The following FKBP5 variants were observed in gnomAD, a reference collection of about 807,000 sequenced individuals.
FKBP5 encodes the protein FKBP prolyl isomerase 5, also known as peptidyl-prolyl cis-trans isomerase FKBP5.
In FKBP5, 23 loss-of-function variants were observed where a neutral mutation model predicts 50.5. The observed-to-expected ratio is 0.46, with a 90% CI of 0.33 to 0.65. FKBP5 has a LOEUF of 0.65. FKBP5 is among the 30% of genes least tolerant of loss of function. FKBP5 has a pLI of 0.02. For missense variants in FKBP5, 411 were observed against 553.1 expected (o/e 0.74, Z 2.58); for synonymous variants, 176 against 190.6 (o/e 0.92, Z 0.63).
chr6:35,663,042 G>A (rs1440752900), intron 1 of FKBP5, among the ~76,000 whole-genome samples: 1 of 152,192 alleles, frequency 6.6e-6, no homozygotes, highest in Non-Finnish European at 1.5e-5. Flanking sequence ...ACCGGCAAGG[G>A]TGTGGCAAGA....
At chr6:35,654,175 T>C (rs1764887569) in intron 1 of FKBP5, among the ~76,000 whole-genome samples, 1 of 152,222 alleles carries the variant, frequency 6.6e-6, no homozygotes, top group Non-Finnish European at 1.5e-5. Flanking sequence ...CACAGTTCCT[T>C]ATTGTTTATA....
chr6:35,673,035 G>A (rs1363938023), intron 1 of FKBP5, among the ~76,000 whole-genome samples: 1 of 152,132 alleles, frequency 6.6e-6, no homozygotes, highest in African/African-American at 2.4e-5. Flanking sequence ...AGGAAGTGAT[G>A]TGATAGTGAA....
chr6:35,591,326 G>T, intron 6 of FKBP5, 106 bp from the exon 7 acceptor site: 1 of 706,490 alleles, frequency 1.4e-6, no homozygotes, highest in Non-Finnish European at 2.4e-6. Context: ...CAAGCTACAT[G>T]TGTCAGAGAC....
intron 3 of FKBP5, 97 bp from the exon 4 acceptor site, chr6:35,620,371 A>G: frequency 7.9e-7 from 1 of 1,264,798 alleles, no homozygotes; most frequent in East Asian, 2.4e-5. Flanking sequence ...TTTTCATACT[A>G]CATACTCAGC....
intron 1 of FKBP5, among the ~76,000 whole-genome samples, chr6:35,680,101 C>T (rs1765627515): frequency 6.6e-6 from 1 of 151,656 alleles, no homozygotes; most frequent in Non-Finnish European, 1.5e-5. Context: ...AATAAAACAA[C>T]TTTCTGATGT....
chr6:35,638,578 T>C (rs1303709125), intron 2 of FKBP5, among the ~76,000 whole-genome samples: 4 of 152,138 alleles, frequency 2.6e-5, no homozygotes, highest in African/African-American at 9.6e-5. Flanking sequence ...CCACCACGCC[T>C]GGCAAATTTT....
At chr6:35,581,290 A>ACATCAGAAAGGTCTGTCAGT in intron 8 of FKBP5, 1 of 415,442 alleles carries the variant, frequency 2.4e-6, no homozygotes, top group Non-Finnish European at 3.2e-6. Context: ...TATATAATAT[A>ACATCAGAAAGGTCTGTCAGT]TATATATATA....
At chr6:35,587,139 T>C (rs778146747) in intron 7 of FKBP5, 22 bp from the exon 8 acceptor site, 9 of 1,609,532 alleles carry the variant, frequency 5.6e-6, no homozygotes, top group Non-Finnish European at 6.8e-6. Context: ...TTTGTGACAA[T>C]GGTTAGATGA....
intron 5 of FKBP5, among the ~76,000 whole-genome samples, chr6:35,614,525 T>G (rs1007005648): frequency 3.3e-5 from 5 of 151,812 alleles, no homozygotes; most frequent in African/African-American, 1.2e-4. Context: ...TTGAAGGGGG[T>G]GAGGAAGAAA....
At chr6:35,719,330 G>C (rs1465312609) in intron 2 of FKBP5, among the ~76,000 whole-genome samples, 1 of 152,190 alleles carries the variant, frequency 6.6e-6, no homozygotes, top group Admixed American at 6.5e-5. Context: ...GAGACTGACT[G>C]GAAGGGGGCA....
In FKBP5 at chr6:35,575,937, C is replaced by G; in HGVS notation, c.1272G>C (p.Glu424Asp). ...TCTTCTTGCCCATTGCTTTATTGGC[C>G]TCTTCCTAAGGAAGAAATAAGCAAT... ...KKFAEQDAKE[E>D]ANKAMGKKTS... The change falls in exon 11 of 11, where the codon GAG (glutamate) becomes GAC (aspartate). Residue 424 changes from glutamate to aspartate, a missense_variant. Glu to Asp is a conservative substitution (Grantham distance 45, BLOSUM62 2). Transcript: ENST00000357266. 1.2e-6 allele frequency: 2 copies of G among 1,603,710 alleles called. No individual in the cohort carries two copies. The highest frequency in any genetic ancestry group is 1.7e-6 in the Non-Finnish European group (2 of 1,170,578).
At chr6:35,665,555 C>A (rs1212955382) in intron 1 of FKBP5, among the ~76,000 whole-genome samples, 1 of 152,172 alleles carries the variant, frequency 6.6e-6, no homozygotes, top group Non-Finnish European at 1.5e-5. Flanking sequence ...TCCCAAAGTG[C>A]TGGGATTATA....
upstream of FKBP5, among the ~76,000 whole-genome samples, chr6:35,691,929 T>C (rs970101308): frequency 7.2e-5 from 11 of 152,136 alleles, no homozygotes; most frequent in Non-Finnish European, 1.5e-4. Context: ...TCTAATGCTC[T>C]GCTGCCGCCG....
chr6:35,682,292 G>A (rs954459993), intron 1 of FKBP5, among the ~76,000 whole-genome samples: 18 of 152,118 alleles, frequency 1.2e-4, no homozygotes, highest in African/African-American at 3.4e-4. Flanking sequence ...AACATTCCAT[G>A]CTCATTCAGA....
rs543981239 is a variant in FKBP5 at position 35,577,875 on chromosome 6, G to A, written c.1027-642C>T. ...TCGAGACCAGCCTGGCCAACATGGC[G>A]AAATCCTGTCTCTACTGAAAATACA... is the stretch of plus-strand genomic sequence containing the variant. On this transcript the variant is annotated intron_variant, in intron 9 of 10. Transcript: ENST00000357266. Among the ~76,000 whole-genome samples, 80 of 152,184 alleles carry A rather than the reference G, an allele frequency of 5.3e-4. 1 individual carries two copies. Among genetic ancestry groups the A allele is most frequent in the Admixed American group, 8.5e-4 (13 of 15,298 alleles).
At chr6:35,583,585 C>T (rs1581784892) in intron 8 of FKBP5, 3 of 983,706 alleles carry the variant, frequency 3.0e-6, no homozygotes, top group Non-Finnish European at 3.6e-6. Flanking sequence ...GATTTTGCCC[C>T]CCAGGGAACA....
chr6:35,651,717 C>T (rs182325778), intron 1 of FKBP5: 9 of 161,206 alleles, frequency 5.6e-5, no homozygotes, highest in African/African-American at 2.2e-4. Context: ...TTTTTGAATT[C>T]TAACATGATG....
chr6:35,629,348 C>T lies in FKBP5; in HGVS notation c.250+7666G>A, dbSNP rs1204656645. ...CTTGAACCCTTGGGTTCAACTGATCCTCCTGCCTTGGCCTCCCAAACTGCT... is the reference window on the plus strand; with the variant it reads ...CTTGAACCCTTGGGTTCAACTGATCTTCCTGCCTTGGCCTCCCAAACTGCT... On this transcript the variant is annotated intron_variant, in intron 3 of 10. Transcript: ENST00000357266. Among the ~76,000 whole-genome samples, 3 of 152,110 alleles carry T rather than the reference C, an allele frequency of 2.0e-5. No individual in the cohort carries two copies. In the East Asian group the frequency reaches 5.8e-4, roughly 29 times the overall value.
At chr6:35,724,526 G>A (rs1301898998) in intron 1 of FKBP5, among the ~76,000 whole-genome samples, 3 of 152,214 alleles carry the variant, frequency 2.0e-5, no homozygotes, top group African/African-American at 7.2e-5. Context: ...TGAGGCTTGA[G>A]AAATGGAGAA....
Sources: allele counts gnomAD v4.1 joint callset (sites outside exome capture counted in the v4.1 genomes callset), GRCh38; gene constraint gnomAD v4.1.1; transcripts MANE v1.5; gene names NCBI Gene and HGNC (gene_info 2026-07-23, HGNC 2026-07-21).